ELMO1: variants seen among roughly 807,000 people sequenced by gnomAD.
ELMO1 encodes engulfment and cell motility protein 1.
In ELMO1, 26 loss-of-function variants were observed where a neutral mutation model predicts 98.9. That is an observed-to-expected ratio of 0.26 (90% CI 0.19 to 0.36). The LOEUF (loss-of-function observed/expected upper bound fraction) is 0.36, where lower values mean the gene tolerates loss of function less well. ELMO1 is among the 10% of genes least tolerant of loss of function. ELMO1 has a pLI of 1.00. For synonymous variants in ELMO1, 346 were observed against 346.0 expected (o/e 1.00, Z 0.00); for missense variants, 627 against 935.2 (o/e 0.67, Z 4.30).
intron 6 of ELMO1, among the ~76,000 whole-genome samples, chr7:37,254,096 T>C (rs1161470545): frequency 6.6e-6 from 1 of 152,194 alleles, no homozygotes; most frequent in Non-Finnish European, 1.5e-5. Flanking sequence ...GTTTATTAAA[T>C]AAGCCACCTC....
intron 15 of ELMO1, among the ~76,000 whole-genome samples, chr7:37,092,658 A>G (rs1292401448): frequency 1.3e-5 from 2 of 152,132 alleles, no homozygotes; most frequent in African/African-American, 4.8e-5. Context: ...TACAGGCGTG[A>G]GCCAACACAT....
At chr7:37,347,431 ATGT>A (rs57730545) in intron 1 of ELMO1, among the ~76,000 whole-genome samples, 49,642 of 151,900 alleles carry the variant, frequency 0.33, 8,744 homozygotes, top group Non-Finnish European at 0.41. Flanking sequence ...AAATTTTCAC[ATGT>A]TGTAGAAGGG....
chr7:37,190,784 G>A (rs1238565952), intron 13 of ELMO1, among the ~76,000 whole-genome samples: 2 of 152,046 alleles, frequency 1.3e-5, no homozygotes, highest in Admixed American at 1.3e-4. Flanking sequence ...ACAGGCGTGA[G>A]CCACTGCACC....
intron 10 of ELMO1, among the ~76,000 whole-genome samples, 176 bp from the exon 11 acceptor site, chr7:37,216,871 T>C (rs1182954510): frequency 6.6e-6 from 1 of 152,218 alleles, no homozygotes; most frequent in Non-Finnish European, 1.5e-5. Context: ...ACTGTTTTAT[T>C]TAGAATGTAA....
chr7:37,177,854 A>T (rs1273753741), intron 13 of ELMO1, among the ~76,000 whole-genome samples: 3 of 152,206 alleles, frequency 2.0e-5, no homozygotes, highest in Non-Finnish European at 2.9e-5. Context: ...TTGTATTTGA[A>T]GGGGAGGTTT....
chr7:37,125,479 T>C (rs539453174), intron 14 of ELMO1, among the ~76,000 whole-genome samples: 2 of 152,230 alleles, frequency 1.3e-5, no homozygotes, highest in African/African-American at 4.8e-5. Flanking sequence ...GGGCTAAGGA[T>C]ATGAACAGAC....
In ELMO1 at chr7:37,388,623, CA is replaced by C. The variant is rs59501155; in HGVS notation, c.-73-45861del. Among the ~76,000 whole-genome samples, 939 of 101,904 alleles carry C rather than the reference CA, an allele frequency of 9.2e-3. 7 individuals are homozygous for C. The highest frequency in any genetic ancestry group is 0.017 in the African/African-American group (457 of 27,310). The allele number at this position is 101,904 out of a possible 152,430, so 66.9% of individuals were successfully genotyped here. A position where few individuals can be genotyped will look rare whatever the true frequency, so the allele number is the denominator to read the frequency against. On this transcript the variant is annotated intron_variant, in intron 1 of 21. Transcript: ENST00000310758. ...CCATGATGCCAGGGCACATCATGTG[CA>C]AAAAAAAAAAAAACACACAAAAGAC...
chr7:36,926,419 T>C (rs1342608428), intron 16 of ELMO1, among the ~76,000 whole-genome samples: 1 of 152,218 alleles, frequency 6.6e-6, no homozygotes, highest in African/African-American at 2.4e-5. Context: ...GGCATTTTTT[T>C]CTTTGTTCTT....
intron 15 of ELMO1, among the ~76,000 whole-genome samples, chr7:37,071,926 T>C (rs1232841689): frequency 1.3e-5 from 2 of 151,818 alleles, no homozygotes; most frequent in African/African-American, 4.8e-5. Flanking sequence ...ACACAATATA[T>C]ATAATATTAG....
At chr7:37,379,033 T>A (rs1231240338) in intron 1 of ELMO1, among the ~76,000 whole-genome samples, 1 of 149,440 alleles carries the variant, frequency 6.7e-6, no homozygotes, top group African/African-American at 2.5e-5. Flanking sequence ...TTATCTTGCA[T>A]CACATTCTTC....
chr7:37,176,133 G>T (rs1790486137), intron 13 of ELMO1, among the ~76,000 whole-genome samples: 1 of 152,148 alleles, frequency 6.6e-6, no homozygotes, highest in Admixed American at 6.5e-5. Flanking sequence ...TTTCAGTATA[G>T]CCTACAATGG....
At chr7:36,866,527 A>ATT (rs1562781718) in intron 20 of ELMO1, among the ~76,000 whole-genome samples, 1 of 152,128 alleles carries the variant, frequency 6.6e-6, no homozygotes, top group Non-Finnish European at 1.5e-5. Flanking sequence ...GAAAGGACCA[A>ATT]TTTTCTTCTT....
At chr7:37,082,719 T>A (rs1211491854) in intron 15 of ELMO1, among the ~76,000 whole-genome samples, 2 of 151,078 alleles carry the variant, frequency 1.3e-5, no homozygotes, top group Non-Finnish European at 2.9e-5. Flanking sequence ...TGACCCTGTC[T>A]CAAACAAACA....
At chr7:37,186,744 C>T (rs1791232280) in intron 13 of ELMO1, among the ~76,000 whole-genome samples, 1 of 152,198 alleles carries the variant, frequency 6.6e-6, no homozygotes, top group Admixed American at 6.5e-5. Context: ...AAATGCAACT[C>T]AATACCACAA....
intron 15 of ELMO1, among the ~76,000 whole-genome samples, chr7:37,076,038 C>G (rs1463691346): frequency 6.6e-6 from 1 of 152,160 alleles, no homozygotes; most frequent in Non-Finnish European, 1.5e-5. Context: ...TGTACTACAT[C>G]CCAGTACACA....
chr7:36,973,476 T>A (rs1389515840), intron 16 of ELMO1, among the ~76,000 whole-genome samples: 1 of 152,172 alleles, frequency 6.6e-6, no homozygotes, highest in Non-Finnish European at 1.5e-5. Context: ...CTCAATTTGC[T>A]CCATGAGAAG....
At chr7:37,083,287 A>G (rs1330761456) in intron 15 of ELMO1, among the ~76,000 whole-genome samples, 1 of 152,182 alleles carries the variant, frequency 6.6e-6, no homozygotes, top group African/African-American at 2.4e-5. Context: ...CTAGGAATCA[A>G]CTGCAGAGTC....
chr7:37,292,172 G>T (rs1403234732), intron 4 of ELMO1, among the ~76,000 whole-genome samples: 1 of 118,990 alleles, frequency 8.4e-6, no homozygotes, highest in African/African-American at 2.7e-5. Context: ...CTGGTCTCCA[G>T]CTCCTAACCG....
chr7:36,957,901 A>G (rs1437063482), intron 16 of ELMO1, among the ~76,000 whole-genome samples: 2 of 152,084 alleles, frequency 1.3e-5, no homozygotes, highest in Non-Finnish European at 2.9e-5. Flanking sequence ...CTCCGGCACC[A>G]CCCTGTAAAA....
Sources: allele counts gnomAD v4.1 joint callset (sites outside exome capture counted in the v4.1 genomes callset), GRCh38; gene constraint gnomAD v4.1.1; transcripts MANE v1.5; gene names NCBI Gene and HGNC (gene_info 2026-07-23, HGNC 2026-07-21).